The following CEP120 variants were observed in gnomAD, a reference collection of about 807,000 sequenced individuals.
CEP120 encodes centrosomal protein of 120 kDa.
Under a neutral mutation model 126.5 loss-of-function variants are expected in CEP120, and 113 were observed. The ratio of observed to expected loss-of-function variants is 0.89; its 90% CI spans 0.77 to 1.04. CEP120 has a LOEUF of 1.04. CEP120 is among the 50% of genes least tolerant of loss of function. The pLI, the probability that CEP120 is intolerant of heterozygous loss-of-function variation, is 0.00. For synonymous variants in CEP120, 400 were observed against 394.3 expected, an observed-to-expected ratio of 1.01 and a Z score of -0.17; for missense variants, 1,230 against 1,155.7, an observed-to-expected ratio of 1.06 and a Z score of -0.93.
At chr5:123,385,163 C>G in intron 10 of CEP120, 30 bp from the exon 11 acceptor site, 1 of 1,530,380 alleles carries the variant, frequency 6.5e-7, no homozygotes, top group Non-Finnish European at 8.8e-7. Flanking sequence ...GTGTTCATAC[C>G]TATCAACTCT....
chr5:123,423,092 CTGCCCGCCCCCGGTCCCTGA>C lies in CEP120; in HGVS notation c.-114_-95del. Reference sequence around the variant, plus strand: ...TCCGGGACCCCCGGCGGGACCCCCACTGCCCGCCCCCGGTCCCTGATGCCCGGACCCCGCTCCGCAGCCAG... The same window carrying C: ...TCCGGGACCCCCGGCGGGACCCCCACTGCCCGGACCCCGCTCCGCAGCCAG... On this transcript the variant is annotated 5_prime_UTR_variant, in exon 1 of 20. Transcript: ENST00000306467. The C allele has an allele frequency of 9.4e-7, 1 of 1,059,402 alleles. No homozygotes were observed. Among genetic ancestry groups the C allele is most frequent in the East Asian group, 2.4e-5 (1 of 41,858 alleles). The allele number at this position is 1,059,402 out of a possible 1,614,324, so 65.6% of individuals were successfully genotyped here. A position where few individuals can be genotyped will look rare whatever the true frequency, so the allele number is the denominator to read the frequency against.
chr5:123,379,648 A>G (rs1771503916), intron 14 of CEP120, among the ~76,000 whole-genome samples: 1 of 152,050 alleles, frequency 6.6e-6, no homozygotes, highest in Non-Finnish European at 1.5e-5. Context: ...AGAAAAGCCT[A>G]CAGTATCTAG....
At chr5:123,374,213 AAACAACAAC>A (rs577450819) in intron 16 of CEP120, among the ~76,000 whole-genome samples, 4 of 152,000 alleles carry the variant, frequency 2.6e-5, no homozygotes, top group Admixed American at 1.3e-4. Flanking sequence ...TAATAGGTAA[AAACAACAAC>A]AACAACAACA....
chr5:123,420,206 A>C (rs1247315033), intron 1 of CEP120, among the ~76,000 whole-genome samples: 8 of 152,198 alleles, frequency 5.3e-5, no homozygotes, highest in African/African-American at 1.9e-4. Flanking sequence ...TCCCCAAATG[A>C]ATGTCATATA....
chr5:123,401,201 C>A (rs1398691101), intron 4 of CEP120: 5 of 1,612,754 alleles, frequency 3.1e-6, no homozygotes, highest in East Asian at 2.2e-5. Context: ...CCAGGGCCAG[C>A]CTGACGTTCA....
intron 4 of CEP120, chr5:123,401,488 C>T: frequency 7.9e-7 from 1 of 1,265,698 alleles, no homozygotes; most frequent in Non-Finnish European, 1.2e-6. Flanking sequence ...GCTCCTCATC[C>T]TTGATCTGGT....
Position 123,386,693 on chromosome 5 carries a change from A to AAAGCC in CEP120, c.1431-27_1431-26insGGCTT, listed in dbSNP as rs1562048025. The AAAGCC allele has an allele frequency of 2.8e-6, 4 of 1,419,928 alleles. No homozygotes were observed. The South Asian group carries it at 6.5e-5, about 23-fold the overall frequency. The allele number at this position is 1,419,928 out of a possible 1,614,324, so 88.0% of individuals were successfully genotyped here. On this transcript the variant is annotated intron_variant, in intron 9 of 19. Transcript: ENST00000306467. The stretch of plus-strand genomic sequence containing the variant: ...CTAGAATTTAAAAAAAAAAAAAAAA[A>AAAGCC]AAAAAGCCTTAATGATATGGTTTAC...
chr5:123,410,650 G>T (rs964725735), intron 4 of CEP120, among the ~76,000 whole-genome samples: 7 of 152,206 alleles, frequency 4.6e-5, no homozygotes, highest in African/African-American at 1.7e-4. Context: ...AGTGAGTCTA[G>T]ACACAGACCT....
intron 4 of CEP120, among the ~76,000 whole-genome samples, chr5:123,411,405 C>G (rs927505420): frequency 2.0e-5 from 3 of 152,142 alleles, no homozygotes; most frequent in Non-Finnish European, 4.4e-5. Flanking sequence ...TTTACAGTAC[C>G]TTTATTTATA....
At chr5:123,401,438 C>T (rs1773227662) in intron 4 of CEP120, 1 of 1,343,324 alleles carries the variant, frequency 7.4e-7, no homozygotes, top group Non-Finnish European at 1.1e-6. Flanking sequence ...AGTCTTTGTG[C>T]ACCGCAGGTT....
chr5:123,351,875 C>G (rs180765126), intron 18 of CEP120, among the ~76,000 whole-genome samples: 2 of 152,258 alleles, frequency 1.3e-5, no homozygotes, highest in East Asian at 3.9e-4. Flanking sequence ...TAGGGATGTT[C>G]AACCTGTATT....
chr5:123,374,339 C>T (rs1771057613), intron 16 of CEP120, among the ~76,000 whole-genome samples: 1 of 152,036 alleles, frequency 6.6e-6, no homozygotes, highest in South Asian at 2.1e-4. Context: ...CTTTTCATCC[C>T]CTTGAATAAT....
At chr5:123,358,285 C>T (rs980010299) in intron 18 of CEP120, 1 of 152,076 alleles carries the variant, frequency 6.6e-6, no homozygotes, top group African/African-American at 2.4e-5. Flanking sequence ...GAGAAAGGGA[C>T]ACAGAGGGCT....
At chr5:123,383,236 A>G (rs542291535) in intron 11 of CEP120, among the ~76,000 whole-genome samples, 154 bp from the exon 12 acceptor site, 10 of 152,206 alleles carry the variant, frequency 6.6e-5, no homozygotes, top group African/African-American at 2.4e-4. Context: ...TGTAGGCTTC[A>G]ACACCTTCCA....
intron 17 of CEP120, among the ~76,000 whole-genome samples, chr5:123,371,216 G>A (rs552762480): frequency 6.6e-6 from 1 of 152,122 alleles, no homozygotes; most frequent in South Asian, 2.1e-4. Context: ...TCACGCTGCT[G>A]ATAAAGACAA....
At chr5:123,377,251 AAT>A (rs2127033851) in intron 16 of CEP120, 121 bp downstream of exon 16, 1 of 850,542 alleles carries the variant, frequency 1.2e-6, no homozygotes, top group African/African-American at 1.8e-5. Context: ...TCAGTGCAAT[AAT>A]ATGATTAATA....
In CEP120 at chr5:123,388,117, G is replaced by A. The variant is rs183455336; in HGVS notation, c.1430+315C>T. Among the ~76,000 whole-genome samples, 437 of 152,022 alleles carry A rather than the reference G, an allele frequency of 2.9e-3. 1 individual carries two copies. The highest frequency in any genetic ancestry group is 9.6e-3 in the African/African-American group (398 of 41,508). On this transcript the variant is annotated intron_variant, in intron 9 of 19. Transcript: ENST00000306467. ...TTTCCAGAAAAAAAGCACTTTTCAA[G>A]TTTAAGAGGCACTGTACTTTATATG...
At chr5:123,354,284 T>A (rs1769407724) in intron 18 of CEP120, among the ~76,000 whole-genome samples, 1 of 152,134 alleles carries the variant, frequency 6.6e-6, no homozygotes, top group Non-Finnish European at 1.5e-5. Context: ...AATTACAATC[T>A]TCTGGAATGT....
intron 17 of CEP120, among the ~76,000 whole-genome samples, chr5:123,368,487 T>G (rs144750076): frequency 5.9e-5 from 9 of 151,946 alleles, no homozygotes; most frequent in African/African-American, 1.4e-4. Context: ...GGTAGAAAAA[T>G]GAAGAAACTG....
Sources: allele counts gnomAD v4.1 joint callset (sites outside exome capture counted in the v4.1 genomes callset), GRCh38; gene constraint gnomAD v4.1.1; transcripts MANE v1.5; gene names NCBI Gene and HGNC (gene_info 2026-07-23, HGNC 2026-07-21).